Variants in CTPS1 observed in about 807,000 individuals in gnomAD.
CTPS1 encodes CTP synthase 1.
CTPS1 carries 25 observed loss-of-function variants against 80.5 expected under a neutral mutation model. The ratio of observed to expected loss-of-function variants is 0.31; its 90% CI spans 0.23 to 0.43. The LOEUF is 0.43. Ranked by LOEUF, CTPS1 falls within the 20% of genes least tolerant of loss-of-function variation. The pLI is 1.00. For missense variants in CTPS1, 442 were observed against 725.7 expected (o/e 0.61, Z 4.49); for synonymous variants, 267 against 252.5 (o/e 1.06, Z -0.54).
At chr1:40,981,392 A>G (rs1420509944) in intron 1 of CTPS1, among the ~76,000 whole-genome samples, 6 of 152,250 alleles carry the variant, frequency 3.9e-5, no homozygotes, top group Non-Finnish European at 8.8e-5. Flanking sequence ...GGGACAAATC[A>G]AATGTAATTG....
chr1:41,006,412 A>C (rs577382236), intron 13 of CTPS1, among the ~76,000 whole-genome samples: 1 of 152,194 alleles, frequency 6.6e-6, no homozygotes, highest in East Asian at 1.9e-4. Flanking sequence ...CTAATATGAG[A>C]CCCTGGCATG....
intron 17 of CTPS1, 115 bp downstream of exon 17, chr1:41,009,704 C>T: frequency 7.7e-7 from 1 of 1,305,800 alleles, no homozygotes; most frequent in Middle Eastern, 2.0e-4. Context: ...GCCACAGGCG[C>T]CTGGGGTGAA....
intron 5 of CTPS1, among the ~76,000 whole-genome samples, chr1:40,990,242 T>A (rs1642569472): frequency 6.6e-6 from 1 of 152,008 alleles, no homozygotes; most frequent in Admixed American, 6.6e-5. Flanking sequence ...ACAGAAAAAA[T>A]TTTCTGACCC....
intron 8 of CTPS1, 151 bp from the exon 9 acceptor site, chr1:40,997,243 C>T: frequency 1.1e-6 from 1 of 882,636 alleles, no homozygotes; most frequent in Non-Finnish European, 1.7e-6. Context: ...ATCCCCCCGC[C>T]TCAGCCTTTC....
chr1:41,011,142 T>G (rs1438021070), intron 18 of CTPS1, among the ~76,000 whole-genome samples: 1 of 152,152 alleles, frequency 6.6e-6, no homozygotes, highest in African/African-American at 2.4e-5. Context: ...CCCTCCTGCC[T>G]TGGTTGGTTG....
rs1228206814 is a variant in CTPS1 at position 40,988,710 on chromosome 1, G to A, written c.555G>A (p.Gln185=). The A allele has an allele frequency of 6.3e-7, 1 of 1,598,904 alleles. No homozygotes were observed. The highest frequency in any genetic ancestry group is 1.7e-5 in the Admixed American group (1 of 59,872). The change falls in exon 5 of 19, where the codon CAG becomes CAA. Residue 185 remains glutamine (Q), a splice_region_variant and synonymous_variant. Coordinates refer to ENST00000650070, the MANE Select transcript of CTPS1 (RefSeq NM_001905.4). The part of the protein sequence containing the change: ...FCNIHVSLVP[Q]PSSTGEQKTK... ...ACATCCACGTCAGTCTAGTTCCCCA[G>A]GTAAGTAAGACATTGAAAGTTTTAC...
chr1:41,006,280 A>C (rs1325790321), intron 13 of CTPS1, among the ~76,000 whole-genome samples, 186 bp downstream of exon 13: 1 of 152,154 alleles, frequency 6.6e-6, no homozygotes, highest in Non-Finnish European at 1.5e-5. Flanking sequence ...ATTCCTCCCT[A>C]ATCTTTCATT....
At position 41,007,336 on chromosome 1, in the gene CTPS1, G is replaced by A; in HGVS notation, c.1297-113G>A. On this transcript the variant is annotated intron_variant, in intron 13 of 18. Coordinates refer to ENST00000650070, the MANE Select transcript of CTPS1 (RefSeq NM_001905.4). This position sits in a 1 kb window ranked among gnomAD's most constrained non-coding sequence, Gnocchi z 4.4. The stretch of plus-strand genomic sequence containing the variant: ...TGTGACAAAATGTCTCATAAGGAAA[G>A]CCTGGAGAATTAGAGCTTACTTACA... 2 of 844,850 alleles carry A rather than the reference G, an allele frequency of 2.4e-6. No homozygotes were observed. The highest frequency in any genetic ancestry group is 3.8e-6 in the Non-Finnish European group (2 of 528,116). 52.3% of individuals were successfully genotyped at this position (844,850 alleles called of 1,614,324 possible).
At chr1:40,998,322 T>C (rs1332741645) in intron 9 of CTPS1, among the ~76,000 whole-genome samples, 1 of 145,486 alleles carries the variant, frequency 6.9e-6, no homozygotes, top group Non-Finnish European at 1.5e-5. Context: ...TGCTTGAACC[T>C]GGGAGGTGGA....
At chr1:41,000,854 G>GT (rs1165123628) in intron 9 of CTPS1, 175 bp from the exon 10 acceptor site, 7 of 354,616 alleles carry the variant, frequency 2.0e-5, no homozygotes, top group Middle Eastern at 7.8e-4. Flanking sequence ...TTTAAAAAAT[G>GT]TTTAAGTTAT....
intron 10 of CTPS1, among the ~76,000 whole-genome samples, chr1:41,001,736 C>G (rs1642909376): frequency 6.6e-6 from 1 of 152,036 alleles, no homozygotes; most frequent in African/African-American, 2.4e-5. Context: ...ATAGGGAGAC[C>G]CTGTTTCTAC....
At position 40,991,854 on chromosome 1, in the gene CTPS1, A is replaced by G. The variant is rs1570953027; in HGVS notation, c.720+9A>G. The G allele has an allele frequency of 6.2e-7, 1 of 1,606,316 alleles. No individual in the cohort carries two copies. Among genetic ancestry groups the G allele is most frequent in the Admixed American group, 1.7e-5 (1 of 59,982 alleles). On this transcript the variant is annotated intron_variant, in intron 7 of 18. Transcript: ENST00000650070. ...ATGTTGAGCCTGAACAAGTGAGTAG[A>G]AATTCCCATCTCTAATAAGTTGTTT...
At chr1:40,982,708 A>T (rs1231457133) in intron 1 of CTPS1, among the ~76,000 whole-genome samples, 1 of 152,204 alleles carries the variant, frequency 6.6e-6, no homozygotes, top group Non-Finnish European at 1.5e-5. Context: ...ACTTTTAATT[A>T]AAGGAATTTT....
chr1:40,984,936 C>T lies in CTPS1; in HGVS notation c.282C>T (p.Tyr94=), dbSNP rs1245846161. The T allele has an allele frequency of 2.5e-6, 4 of 1,602,520 alleles. No homozygotes were observed. The South Asian group carries it at 4.5e-5, about 18-fold the overall frequency. ...KDNNLTTGKI[Y]QYVINKERKG... is the part of the protein sequence containing the mutation. Reference sequence around the variant, plus strand: ...ATAATCTGACCACTGGAAAGATATACCAGTATGTCATTAACAAGGAACGGA... The same window carrying T: ...ATAATCTGACCACTGGAAAGATATATCAGTATGTCATTAACAAGGAACGGA... The change falls in exon 3 of 19, where the codon TAC becomes TAT. Residue 94 remains tyrosine, a synonymous_variant. Coordinates refer to ENST00000650070, the MANE Select transcript of CTPS1 (RefSeq NM_001905.4).
intron 6 of CTPS1, 74 bp downstream of exon 6, chr1:40,991,322 G>A (rs1642605788): frequency 8.5e-7 from 1 of 1,174,604 alleles, no homozygotes; most frequent in African/African-American, 1.6e-5. Flanking sequence ...TGACAGACAA[G>A]ACCTTTGTCT....
At chr1:40,999,000 A>G (rs765647257) in intron 9 of CTPS1, among the ~76,000 whole-genome samples, 1 of 152,198 alleles carries the variant, frequency 6.6e-6, no homozygotes, top group Non-Finnish European at 1.5e-5. Flanking sequence ...TGTGTTTGTC[A>G]GGTGGCAGAG....
chr1:41,000,902 A>T (rs1642887360), intron 9 of CTPS1, 127 bp from the exon 10 acceptor site: 1 of 538,728 alleles, frequency 1.9e-6, no homozygotes, highest in Non-Finnish European at 3.2e-6. Flanking sequence ...GCCAGTATTA[A>T]GATGATCACT....
rs774085033 is a variant in CTPS1 at position 40,984,920 on chromosome 1, C to T, written c.266C>T (p.Thr89Ile). 1.2e-6 allele frequency: 2 copies of T among 1,606,936 alleles called. No homozygotes were observed. Among genetic ancestry groups the T allele is most frequent in the Admixed American group, 1.7e-5 (1 of 59,462 alleles). Residue 89 changes from threonine (T) to isoleucine (I), a missense_variant, in exon 3 of 19, where the codon ACC becomes ATC. Physicochemically the swap from Thr to Ile is moderately conservative, Grantham distance 89. Coordinates refer to ENST00000650070, the MANE Select transcript of CTPS1 (RefSeq NM_001905.4). ...CGCCTCACCAAGGACAATAATCTGA[C>T]CACTGGAAAGATATACCAGTATGTC... is the stretch of plus-strand genomic sequence containing the variant. ...DIRLTKDNNL[T>I]TGKIYQYVIN...
At chr1:40,986,913 C>T (rs1642469471) in intron 3 of CTPS1, among the ~76,000 whole-genome samples, 1 of 152,196 alleles carries the variant, frequency 6.6e-6, no homozygotes, top group South Asian at 2.1e-4. Flanking sequence ...GTGCTTCTAA[C>T]CACTCTGCTG....
Sources: gnomAD v4.1 joint callset for allele counts (sites outside exome capture counted in the v4.1 genomes callset) on GRCh38, gnomAD v4.1.1 for gene constraint, Gnocchi (gnomAD v3.1) non-coding constraint, MANE v1.5 for transcripts, NCBI Gene and HGNC (gene_info 2026-07-23, HGNC 2026-07-21) for gene names.